Variants in CTNNA3 observed in about 807,000 individuals in gnomAD.
CTNNA3 encodes the protein catenin alpha-3.
A neutral mutation model predicts 95.7 loss-of-function variants in CTNNA3; 76 were observed. The ratio of observed to expected loss-of-function variants is 0.79; its 90% confidence interval spans 0.66 to 0.96. The LOEUF is 0.96. Ranked by LOEUF, CTNNA3 falls within the 40% of genes least tolerant of loss-of-function variation. The pLI, the probability that CTNNA3 is intolerant of heterozygous loss-of-function variation, is 0.00. For synonymous variants in CTNNA3, 431 were observed against 374.4 expected (o/e 1.15, Z -1.74); for missense variants, 1,191 against 1,089.8 (o/e 1.09, Z -1.31).
intron 2 of CTNNA3, among the ~76,000 whole-genome samples, chr10:67,614,494 T>A (rs1843584300): frequency 6.6e-6 from 1 of 152,186 alleles, no homozygotes; most frequent in South Asian, 2.1e-4. Context: ...TCATCAGGCA[T>A]TAGATTCTCA....
intron 10 of CTNNA3, among the ~76,000 whole-genome samples, chr10:66,591,133 A>G (rs1843535573): frequency 6.6e-6 from 1 of 152,182 alleles, no homozygotes; most frequent in Admixed American, 6.5e-5. Context: ...TATCATTTTA[A>G]GAACTTGAGT....
chr10:67,656,768 T>A (rs1282281394), intron 1 of CTNNA3, among the ~76,000 whole-genome samples: 4 of 151,906 alleles, frequency 2.6e-5, no homozygotes. Context: ...AACAGAAGCC[T>A]AAGGCAGAAA....
At chr10:66,693,322 T>C (rs1370592147) in intron 9 of CTNNA3, among the ~76,000 whole-genome samples, 2 of 145,382 alleles carry the variant, frequency 1.4e-5, no homozygotes, top group Non-Finnish European at 3.0e-5. Flanking sequence ...TAGTCTCTGA[T>C]AAAACAGACT....
Position 66,697,915 on chromosome 10 carries a change from A to C in CTNNA3, c.1281+68349T>G, listed in dbSNP as rs565595151. 5.9e-5 allele frequency among the ~76,000 whole-genome samples: 9 copies of C among 152,258 alleles called. No individual in the cohort carries two copies. The South Asian group carries it at 1.7e-3, about 28-fold the overall frequency. ...CTCAGGCCAATGGTGGTCTCAAAAC[A>C]ATGTTTTCATCTCCCTGAACCATTT... On this transcript the variant is annotated intron_variant, in intron 9 of 17. Transcript: ENST00000433211.
At chr10:65,937,421 G>T (rs887232250) in intron 17 of CTNNA3, among the ~76,000 whole-genome samples, 1 of 152,106 alleles carries the variant, frequency 6.6e-6, no homozygotes, top group Non-Finnish European at 1.5e-5. Flanking sequence ...CTTACTCACC[G>T]TTTCTTTCTC....
chr10:67,493,444 C>T lies in CTNNA3; in HGVS notation c.579+28398G>A, dbSNP rs181030608. On this transcript the variant is annotated intron_variant, in intron 5 of 17. Coordinates refer to ENST00000433211, the MANE Select transcript of CTNNA3 (RefSeq NM_013266.4). Reference sequence around the variant, plus strand: ...GGGCGTGGTGGCACGCACCTGTAGTCCCAGCTACTCGGGAGGCTGAGGCAG... The same window carrying T: ...GGGCGTGGTGGCACGCACCTGTAGTTCCAGCTACTCGGGAGGCTGAGGCAG... Among the ~76,000 whole-genome samples, 1,461 of 151,894 alleles carry T rather than the reference C, an allele frequency of 9.6e-3. 20 individuals carry two copies. Among genetic ancestry groups the T allele is most frequent in the African/African-American group, 0.034 (1,387 of 41,376 alleles).
In CTNNA3 at chr10:67,399,024, C is replaced by A. The variant is rs192368715; in HGVS notation, c.579+122818G>T. On this transcript the variant is annotated intron_variant, in intron 5 of 17. Transcript: ENST00000433211. ...ATGAGAACAGAACGAATACACTATT[C>A]ATTAAGTGGAAGTGGATTATCATGA... Among the ~76,000 whole-genome samples the A allele has an allele frequency of 0.025, 3,726 of 151,988 alleles. 291 individuals carry two copies. In the East Asian group the frequency reaches 0.29, roughly 12 times the overall value.
intron 12 of CTNNA3, among the ~76,000 whole-genome samples, chr10:66,356,409 ATTATT>A (rs1297066631): frequency 1.3e-5 from 2 of 151,790 alleles, no homozygotes; most frequent in African/African-American, 2.4e-5. Context: ...AGGTGCAGCA[ATTATT>A]TTTTTTTAGA....
chr10:66,155,866 A>G (rs1188612956), intron 13 of CTNNA3, among the ~76,000 whole-genome samples: 1 of 151,878 alleles, frequency 6.6e-6, no homozygotes, highest in African/African-American at 2.4e-5. Flanking sequence ...AATAGAGTCA[A>G]TGAATCCACA....
intron 9 of CTNNA3, among the ~76,000 whole-genome samples, chr10:66,673,963 A>G (rs961975194): frequency 2.0e-5 from 3 of 151,950 alleles, no homozygotes; most frequent in East Asian, 1.9e-4. Context: ...AAATCTCACA[A>G]TAATATCTAG....
intron 7 of CTNNA3, among the ~76,000 whole-genome samples, chr10:66,846,780 C>T (rs1458386661): frequency 6.6e-6 from 1 of 152,128 alleles, no homozygotes; most frequent in Non-Finnish European, 1.5e-5. Context: ...CAGGTCATAG[C>T]CATTTGTAGT....
chr10:66,405,396 T>C (rs1410591191), intron 11 of CTNNA3, among the ~76,000 whole-genome samples: 1 of 152,260 alleles, frequency 6.6e-6, no homozygotes, highest in East Asian at 1.9e-4. Flanking sequence ...AACTAATAAA[T>C]TATTTAAGAA....
At chr10:66,186,215 C>A (rs1299014564) in intron 13 of CTNNA3, among the ~76,000 whole-genome samples, 1 of 151,126 alleles carries the variant, frequency 6.6e-6, no homozygotes, top group South Asian at 2.1e-4. Context: ...ATATAGGTAC[C>A]AAAACATCAC....
intron 10 of CTNNA3, among the ~76,000 whole-genome samples, chr10:66,574,631 T>TC (rs1842955461): frequency 6.6e-6 from 1 of 152,064 alleles, no homozygotes; most frequent in African/African-American, 2.4e-5. Flanking sequence ...TGTTTTTTTT[T>TC]CCCCTCTTTA....
intron 5 of CTNNA3, among the ~76,000 whole-genome samples, chr10:67,266,106 G>A (rs988717570): frequency 5.3e-5 from 8 of 151,984 alleles, no homozygotes; most frequent in Non-Finnish European, 1.2e-4. Flanking sequence ...GCTGATATAC[G>A]CTAGAAAGAG....
At chr10:67,097,356 C>T (rs910792464) in intron 7 of CTNNA3, among the ~76,000 whole-genome samples, 3 of 151,742 alleles carry the variant, frequency 2.0e-5, no homozygotes, top group African/African-American at 7.3e-5. Flanking sequence ...ACTACTTATC[C>T]AAATCTTCTA....
chr10:66,526,924 A>G (rs1359906966), intron 10 of CTNNA3, among the ~76,000 whole-genome samples: 2 of 152,152 alleles, frequency 1.3e-5, no homozygotes, highest in Non-Finnish European at 2.9e-5. Context: ...GTCCTCTGAT[A>G]TACAGAAGTT....
chr10:67,726,421 ATATAT>A (rs1490181948), intron 1 of CTNNA3, among the ~76,000 whole-genome samples: 1 of 40,886 alleles, frequency 2.4e-5, no homozygotes, highest in East Asian at 9.1e-4. Flanking sequence ...ATATAATATT[ATATAT>A]TATATCATAT....
At chr10:66,837,991 A>G (rs1337625791) in intron 7 of CTNNA3, among the ~76,000 whole-genome samples, 7 of 152,088 alleles carry the variant, frequency 4.6e-5, no homozygotes, top group Admixed American at 4.6e-4. Context: ...GTGACGGTAC[A>G]GGTCTAAATC....
Sources: gnomAD v4.1 joint callset for allele counts (sites outside exome capture counted in the v4.1 genomes callset) on GRCh38, gnomAD v4.1.1 for gene constraint, MANE v1.5 for transcripts, NCBI Gene and HGNC (gene_info 2026-07-23, HGNC 2026-07-21) for gene names.